The following C22orf42 variants were observed in gnomAD, a reference collection of about 807,000 sequenced individuals.
C22orf42 encodes the protein chromosome 22 open reading frame 42, also known as uncharacterized protein C22orf42.
Under a neutral mutation model 31.4 loss-of-function variants are expected in C22orf42, and 24 were observed. The observed-to-expected ratio is 0.77, with a 90% CI of 0.55 to 1.08. The LOEUF (loss-of-function observed/expected upper bound fraction) is 1.08, where lower values mean the gene tolerates loss of function less well. Ranked by LOEUF, C22orf42 falls within the 50% of genes least tolerant of loss-of-function variation. The pLI is 0.00. For missense variants in C22orf42, 276 were observed against 327.3 expected, an observed-to-expected ratio of 0.84 and a Z score of 1.21; for synonymous variants, 96 against 112.7, an observed-to-expected ratio of 0.85 and a Z score of 0.94.
rs1002713779 is a variant in C22orf42 at position 32,152,713 on chromosome 22, G to T, written c.308-87C>A. On this transcript the variant is annotated intron_variant, in intron 2 of 8. Coordinates refer to ENST00000382097, the MANE Select transcript of C22orf42 (RefSeq NM_001010859.3). Reference sequence around the variant, plus strand: ...CTGGGGGATGTGGACCGGGGCTGGAGTATGTGGAGGTGGGCGGTTGACAGG... The same window carrying T: ...CTGGGGGATGTGGACCGGGGCTGGATTATGTGGAGGTGGGCGGTTGACAGG... 72 of 1,303,332 alleles carry T rather than the reference G, an allele frequency of 5.5e-5. 1 individual carries two copies. Among genetic ancestry groups the T allele is most frequent in the Admixed American group, 1.9e-4 (11 of 59,368 alleles). 80.7% of individuals were successfully genotyped at this position (1,303,332 alleles called of 1,614,324 possible).
In C22orf42 at chr22:32,150,360, T is replaced by C; in HGVS notation, c.613A>G (p.Ser205Gly). The change falls in exon 7 of 9, where the codon AGC (serine) becomes GGC (glycine). Residue 205 changes from serine (S) to glycine (G), a missense_variant. Coordinates refer to ENST00000382097, the MANE Select transcript of C22orf42 (RefSeq NM_001010859.3). ...EDFMTSGLSE[S>G]LSVSLEDLMT... ...AGGTCTTCAAGAGAGACAGATAGGC[T>C]TTCACTGAGACCTGATGTCATGAAG... The C allele has an allele frequency of 6.2e-7, 1 of 1,614,104 alleles. No homozygotes were observed. The highest frequency in any genetic ancestry group is 8.5e-7 in the Non-Finnish European group (1 of 1,179,972).
At chr22:32,154,819 C>G (rs1921173167) in intron 1 of C22orf42, among the ~76,000 whole-genome samples, 1 of 152,218 alleles carries the variant, frequency 6.6e-6, no homozygotes, top group Non-Finnish European at 1.5e-5. Flanking sequence ...TTCAATCATT[C>G]AATGTCTGGG....
At chr22:32,150,881 G>T in intron 6 of C22orf42, 111 bp downstream of exon 6, 1 of 1,128,288 alleles carries the variant, frequency 8.9e-7, no homozygotes, top group South Asian at 1.3e-5. Flanking sequence ...TGTAACAATG[G>T]TTGCACAACC....
chr22:32,149,372 G>T lies in C22orf42; in HGVS notation c.*168C>A. The T allele has an allele frequency of 5.3e-6, 4 of 748,238 alleles. No homozygotes were observed. The highest frequency in any genetic ancestry group is 7.3e-6 in the Non-Finnish European group (4 of 550,616). 46.3% of individuals were successfully genotyped at this position (748,238 alleles called of 1,614,324 possible). On this transcript the variant is annotated 3_prime_UTR_variant, in exon 9 of 9. Transcript: ENST00000382097. ...GAATGAAATGTAAGAACACCAGGCT[G>T]CAAGAGGACTGGCTGCAGCCACAAA...
intron 1 of C22orf42, among the ~76,000 whole-genome samples, chr22:32,157,742 G>A (rs1398078725): frequency 6.6e-6 from 1 of 152,232 alleles, no homozygotes; most frequent in African/African-American, 2.4e-5. Flanking sequence ...AAGGCTGCTG[G>A]CCCTGCCCAA....
chr22:32,150,851 A>G, intron 6 of C22orf42, 141 bp downstream of exon 6: 1 of 851,206 alleles, frequency 1.2e-6, no homozygotes, highest in Non-Finnish European at 1.9e-6. Context: ...AGGGGGAATA[A>G]AGAGGTTCTA....
chr22:32,150,221 A>G (rs551727442), intron 7 of C22orf42, 98 bp downstream of exon 7: 60 of 1,242,854 alleles, frequency 4.8e-5, no homozygotes, highest in Non-Finnish European at 6.0e-5. Context: ...TTTGTCTTCT[A>G]TAATATACAT....
Position 32,151,079 on chromosome 22 carries a change from G to A in C22orf42, c.466-60C>T, listed in dbSNP as rs2094112450. 16 of 1,563,208 alleles carry A rather than the reference G, an allele frequency of 1.0e-5. No individual in the cohort carries two copies. The South Asian group carries it at 1.8e-4, about 17-fold the overall frequency. ...GGATCAGATCTTGCTGGGTTCTGTT[G>A]GCAAAGGCCTTTTATTCACCTGGTG... is the stretch of plus-strand genomic sequence containing the variant. On this transcript the variant is annotated intron_variant, in intron 5 of 8. Transcript: ENST00000382097.
At chr22:32,155,069 C>G (rs1326075271) in intron 1 of C22orf42, among the ~76,000 whole-genome samples, 1 of 152,168 alleles carries the variant, frequency 6.6e-6, no homozygotes, top group Non-Finnish European at 1.5e-5. Flanking sequence ...GTGACTTGCC[C>G]AGAGTTACCA....
chr22:32,158,873 G>A (rs8141332), intron 1 of C22orf42, 111 bp downstream of exon 1: 281,813 of 1,223,948 alleles, frequency 0.23, 33,709 homozygotes, highest in Middle Eastern at 0.26. Flanking sequence ...GCTATGGGCA[G>A]GAGGGAGCTG....
Position 32,149,397 on chromosome 22 carries a change from A to G in C22orf42, c.*143T>C. The G allele has an allele frequency of 9.9e-7, 1 of 1,008,624 alleles. No homozygotes were observed. The highest frequency in any genetic ancestry group is 3.5e-5 in the South Asian group (1 of 28,708). 62.5% of individuals were successfully genotyped at this position (1,008,624 alleles called of 1,614,324 possible). A position where few individuals can be genotyped will look rare whatever the true frequency, so the allele number is the denominator to read the frequency against. ...GCAAGAGGACTGGCTGCAGCCACAAACTGCAGGTCACTGTTCACAGGTGCT... is the reference window on the plus strand; with the variant it reads ...GCAAGAGGACTGGCTGCAGCCACAAGCTGCAGGTCACTGTTCACAGGTGCT... On this transcript the variant is annotated 3_prime_UTR_variant, in exon 9 of 9. Coordinates refer to ENST00000382097, the MANE Select transcript of C22orf42 (RefSeq NM_001010859.3).
At chr22:32,152,046 G>T in intron 4 of C22orf42, 21 bp downstream of exon 4, 1 of 1,595,808 alleles carries the variant, frequency 6.3e-7, no homozygotes, top group South Asian at 1.2e-5. Context: ...AAATAAAGCT[G>T]TTTAAAAAAA....
rs1009968687 is a variant in C22orf42, at chr22:32,149,582, A to G, written c.714T>C (p.Asn238=). Residue 238 remains asparagine (N), a synonymous_variant, in exon 9 of 9, where the codon AAT becomes AAC. Coordinates refer to ENST00000382097, the MANE Select transcript of C22orf42 (RefSeq NM_001010859.3). Reference sequence around the variant, plus strand: ...CTAGAACCTGGCTGCTGATGGGTTCATTGAGCCGAGACCGTGCCATCTTAA... The same window carrying G: ...CTAGAACCTGGCTGCTGATGGGTTCGTTGAGCCGAGACCGTGCCATCTTAA... The part of the protein sequence containing the change: ...CWVKMARSRL[N]EPISSQVLGL... 2.0e-6 allele frequency: 3 copies of G among 1,533,946 alleles called. No individual in the cohort carries two copies. The highest frequency in any genetic ancestry group is 2.0e-5 in the Admixed American group (1 of 50,856).
At chr22:32,150,513 G>A in intron 6 of C22orf42, 34 bp from the exon 7 acceptor site, 2 of 1,610,540 alleles carry the variant, frequency 1.2e-6, no homozygotes, top group Non-Finnish European at 1.7e-6. Context: ...GTGCATTGGT[G>A]CTGCTGAGGA....
In C22orf42 at chr22:32,159,000, C is replaced by T. The variant is rs1254132508; in HGVS notation, c.216G>A (p.Met72Ile). The T allele has an allele frequency of 1.9e-6, 3 of 1,604,236 alleles. No individual in the cohort carries two copies. Among genetic ancestry groups the T allele is most frequent in the Admixed American group, 3.3e-5 (2 of 59,844 alleles). ...CTTCTTTACCTTTGGACATCTTCAG[C>T]ATCTTCGGCGTCTTCGGGAGGCTGA... ...QYLSLPKTPK[M>I]LKMSKGLDAR... The change falls in exon 1 of 9, where the codon ATG (methionine) becomes ATA (isoleucine). Residue 72 changes from methionine to isoleucine, a missense_variant. Met to Ile is a conservative substitution (Grantham distance 10). Transcript: ENST00000382097.
rs534470724 is a variant in C22orf42 at position 32,152,063 on chromosome 22, G to C, written c.400+4C>G. The C allele has an allele frequency of 1.4e-5, 23 of 1,603,166 alleles. No individual in the cohort carries two copies. Among genetic ancestry groups the C allele is most frequent in the Admixed American group, 5.2e-5 (3 of 57,610 alleles). On this transcript the variant is annotated splice_donor_region_variant and intron_variant, in intron 4 of 8. Transcript: ENST00000382097. ...ATAAAGCTGTTTAAAAAAAAAATAC[G>C]TACGGTGGTCGTGCTTGGCCTCAGG...
chr22:32,159,905 T>G (rs1316887412), upstream of C22orf42: 3 of 152,242 alleles, frequency 2.0e-5, no homozygotes, highest in East Asian at 5.8e-4. Flanking sequence ...ACCTACCAAC[T>G]CTCTTTTCTC....
rs1339114444 is a variant in C22orf42 at position 32,157,405 on chromosome 22, C to T, written c.232+1579G>A. Among the ~76,000 whole-genome samples the T allele has an allele frequency of 1.3e-3, 192 of 151,794 alleles. 2 individuals are homozygous for T. Among genetic ancestry groups the T allele is most frequent in the African/African-American group, 4.5e-3 (184 of 41,152 alleles). On this transcript the variant is annotated intron_variant, in intron 1 of 8. Coordinates refer to ENST00000382097, the MANE Select transcript of C22orf42 (RefSeq NM_001010859.3). ...CCATATTCTTTGTCAATGCTCACTA[C>T]GTGTACAAGGCCTTAGCCCATCATA...
At chr22:32,154,415 G>A (rs1921149981) in intron 1 of C22orf42, 97 bp from the exon 2 acceptor site, 2 of 1,238,036 alleles carry the variant, frequency 1.6e-6, no homozygotes, top group Non-Finnish European at 1.1e-6. Context: ...AGAGAAATTA[G>A]TAAAAACTTA....
Sources: gnomAD v4.1 joint callset for allele counts (sites outside exome capture counted in the v4.1 genomes callset) on GRCh38, gnomAD v4.1.1 for gene constraint, MANE v1.5 for transcripts, NCBI Gene and HGNC (gene_info 2026-07-23, HGNC 2026-07-21) for gene names.